The following CACNA1H variants were observed in gnomAD, a reference collection of about 807,000 sequenced individuals.
The protein encoded by CACNA1H is voltage-dependent T-type calcium channel subunit alpha-1H.
CACNA1H carries 149 observed loss-of-function variants against 192.5 expected under a neutral mutation model. The ratio of observed to expected loss-of-function variants is 0.77; its 90% CI spans 0.68 to 0.89. The LOEUF (loss-of-function observed/expected upper bound fraction) is 0.89. Ranked by LOEUF, CACNA1H falls within the 40% of genes least tolerant of loss-of-function variation. The pLI is 0.00. For synonymous variants in CACNA1H, 2,202 were observed against 1,475.2 expected, an observed-to-expected ratio of 1.49 and a Z score of -11.29; for missense variants, 4,257 against 3,423.5, an observed-to-expected ratio of 1.24 and a Z score of -6.08.
chr16:1,160,179 C>A (rs534528932), intron 2 of CACNA1H: 5 of 152,260 alleles, frequency 3.3e-5, no homozygotes, highest in African/African-American at 9.7e-5. Context: ...CCGCCTGTGC[C>A]GAGCCCGCTG....
chr16:1,158,159 C>T (rs547166145), intron 2 of CACNA1H, among the ~76,000 whole-genome samples: 11 of 152,322 alleles, frequency 7.2e-5, no homozygotes, highest in African/African-American at 1.4e-4. Flanking sequence ...TGGATGTGTC[C>T]CTGCCTCCTG....
At chr16:1,178,604 G>A (rs890865740) in intron 2 of CACNA1H, among the ~76,000 whole-genome samples, 2 of 152,176 alleles carry the variant, frequency 1.3e-5, no homozygotes, top group Non-Finnish European at 2.9e-5. Flanking sequence ...CAGCCTCCAG[G>A]CTGTGGGAGA....
At chr16:1,161,608 G>T (rs758119786) in intron 2 of CACNA1H, among the ~76,000 whole-genome samples, 10 of 152,234 alleles carry the variant, frequency 6.6e-5, no homozygotes, top group Non-Finnish European at 1.2e-4. Flanking sequence ...GTGCCTCCAC[G>T]TGGGCCTCAG....
At chr16:1,214,713 C>T (rs945628467) in intron 27 of CACNA1H, among the ~76,000 whole-genome samples, 8 of 152,098 alleles carry the variant, frequency 5.3e-5, no homozygotes, top group African/African-American at 1.9e-4. Context: ...TTCCTGGAGA[C>T]AGTGGCATTC....
chr16:1,154,826 A>C (rs908537426), intron 2 of CACNA1H, among the ~76,000 whole-genome samples: 2 of 152,140 alleles, frequency 1.3e-5, no homozygotes, highest in Non-Finnish European at 2.9e-5. Context: ...TGTGGGATGT[A>C]CACGGAGGTC....
At chr16:1,216,795 C>T in intron 30 of CACNA1H, 137 bp from the exon 31 acceptor site, 2 of 601,428 alleles carry the variant, frequency 3.3e-6, no homozygotes, top group South Asian at 1.6e-5. Flanking sequence ...GAACTTGCTT[C>T]CACTTGGCCG....
chr16:1,177,924 C>T (rs942664442), intron 2 of CACNA1H, among the ~76,000 whole-genome samples: 2 of 151,914 alleles, frequency 1.3e-5, no homozygotes, highest in Admixed American at 6.5e-5. Flanking sequence ...ACAAACTCTC[C>T]GTCCCCAGCA....
chr16:1,153,914 C>T lies in CACNA1H; in HGVS notation c.177C>T (p.Gly59=), dbSNP rs775960864. 156 of 1,454,976 alleles carry T rather than the reference C, an allele frequency of 1.1e-4. No homozygotes were observed. In the East Asian group the frequency reaches 3.7e-3, roughly 34 times the overall value. 90.1% of individuals were successfully genotyped at this position (1,454,976 alleles called of 1,614,324 possible). Residue 59 remains glycine (G), a synonymous_variant, in exon 2 of 35, where the codon GGC becomes GGT. Coordinates refer to ENST00000348261, the MANE Select transcript of CACNA1H (RefSeq NM_021098.3). ...CCGAGAGCCCGGCGGCCGAGCGCGG[C>T]GCGGAGCTGGGTGCCGACGAGGAGC... ...SPSESPAAER[G]AELGADEEQR...
intron 2 of CACNA1H, among the ~76,000 whole-genome samples, chr16:1,168,838 C>T (rs572032175): frequency 4.6e-5 from 7 of 152,006 alleles, no homozygotes; most frequent in East Asian, 3.9e-4. Context: ...CTGTCTGCAT[C>T]GGGTACTCCC....
chr16:1,188,430 C>T (rs1049554278), intron 2 of CACNA1H, among the ~76,000 whole-genome samples: 2 of 151,716 alleles, frequency 1.3e-5, no homozygotes, highest in Admixed American at 6.5e-5. Context: ...CTGGCAGCCC[C>T]GACACTGGCT....
At chr16:1,218,713 G>T in intron 33 of CACNA1H, 62 bp downstream of exon 33, 1 of 1,402,976 alleles carries the variant, frequency 7.1e-7, no homozygotes, top group Non-Finnish European at 9.6e-7. Context: ...GAAGATGGGG[G>T]CAGGTGGGAG....
In CACNA1H at chr16:1,200,766, C is replaced by A. The variant is rs760796172; in HGVS notation, c.1170C>A (p.Ala390=). 1.3e-6 allele frequency: 2 copies of A among 1,555,744 alleles called. No homozygotes were observed. Among genetic ancestry groups the A allele is most frequent in the Non-Finnish European group, 1.7e-6 (2 of 1,149,582 alleles). Residue 390 remains alanine, a synonymous_variant, in exon 8 of 35, where the codon GCC becomes GCA. Transcript: ENST00000348261. The part of the protein sequence containing the change: ...WVDIMYYVMD[A]HSFYNFIYFI... Reference sequence around the variant, plus strand: ...ACATCATGTACTACGTCATGGACGCCCACTCATTCTACAACTTCATCTATT... The same window carrying A: ...ACATCATGTACTACGTCATGGACGCACACTCATTCTACAACTTCATCTATT...
chr16:1,218,702 G>C, intron 33 of CACNA1H, 51 bp downstream of exon 33: 1 of 1,457,910 alleles, frequency 6.9e-7, no homozygotes. Context: ...AGGACAGGGA[G>C]GAAGATGGGG....
intron 2 of CACNA1H, among the ~76,000 whole-genome samples, chr16:1,174,916 C>T (rs964739615): frequency 6.6e-6 from 1 of 150,922 alleles, no homozygotes; most frequent in Non-Finnish European, 1.5e-5. Context: ...CCCACCCGCA[C>T]CTTCACCCCC....
Position 1,219,964 on chromosome 16 carries a change from A to T in CACNA1H, c.6049-17A>T. ...TCCCAGGGCCCCGCCCCTCACTTTG[A>T]CTCTACGCCCCCACAGGAGGCTGTG... On this transcript the variant is annotated splice_polypyrimidine_tract_variant and intron_variant, in intron 34 of 34. Coordinates refer to ENST00000348261, the MANE Select transcript of CACNA1H (RefSeq NM_021098.3). 3.1e-6 allele frequency: 4 copies of T among 1,282,154 alleles called. No individual in the cohort carries two copies. Among genetic ancestry groups the T allele is most frequent in the Non-Finnish European group, 4.0e-6 (4 of 1,008,646 alleles). 79.4% of individuals were successfully genotyped at this position (1,282,154 alleles called of 1,614,324 possible). A position where few individuals can be genotyped will look rare whatever the true frequency, so the allele number is the denominator to read the frequency against.
chr16:1,210,176 C>A, intron 18 of CACNA1H, 41 bp downstream of exon 18: 1 of 1,475,060 alleles, frequency 6.8e-7, no homozygotes, highest in South Asian at 1.2e-5. Context: ...CTAGTTCCAC[C>A]CCACGGGACC....
chr16:1,216,169 G>A (rs576232177), intron 30 of CACNA1H, among the ~76,000 whole-genome samples: 14 of 152,134 alleles, frequency 9.2e-5, no homozygotes, highest in African/African-American at 2.9e-4. Context: ...CTATGCACCC[G>A]GCACCTCCTC....
In CACNA1H at chr16:1,219,002, G is replaced by A. The variant is rs2141398956; in HGVS notation, c.5920G>A (p.Glu1974Lys). The change falls in exon 34 of 35, where the codon GAG becomes AAG. Residue 1974 changes from glutamate (E) to lysine (K), a missense_variant. Glu to Lys is a moderately conservative substitution (Grantham distance 56, BLOSUM62 1). Transcript: ENST00000348261. ...SVASVHSPPA[E>K]SCASLQIPLA... is the part of the protein sequence containing the mutation. ...TGCCTCTGTGCACTCTCCGCCCGCA[G>A]AGTCCTGTGCCTCCCTCCAGATCCC... 7.7e-6 allele frequency: 12 copies of A among 1,550,302 alleles called. No homozygotes were observed. Among genetic ancestry groups the A allele is most frequent in the South Asian group, 1.2e-5 (1 of 84,064 alleles).
chr16:1,213,811 C>G lies in CACNA1H; in HGVS notation c.4809C>G (p.Tyr1603Ter). Reference protein sequence around the residue: ...EAQRRPYYADYSPTRRSIHSL... With the variant: ...EAQRRPYYAD ...AGCGCCGGCCCTACTATGCCGACTA[C>G]TCGCCCACGCGCCGCTCCATTCACT... Residue 1603 changes from tyrosine (Y) to a stop codon, truncating the protein, a stop_gained, in exon 27 of 35, where the codon TAC becomes TAG. Transcript: ENST00000348261. LOFTEE classifies it high-confidence loss of function. 1.3e-6 allele frequency: 2 copies of G among 1,577,866 alleles called. No homozygotes were observed. The highest frequency in any genetic ancestry group is 1.7e-6 in the Non-Finnish European group (2 of 1,163,628).
Sources: allele counts gnomAD v4.1 joint callset (sites outside exome capture counted in the v4.1 genomes callset), GRCh38; gene constraint gnomAD v4.1.1; transcripts MANE v1.5; gene names NCBI Gene and HGNC (gene_info 2026-07-23, HGNC 2026-07-21).